Variants in TMCO5A observed in about 807,000 individuals in gnomAD.
TMCO5A encodes transmembrane and coiled-coil domain-containing protein 5A.
A neutral mutation model predicts 42.3 loss-of-function variants in TMCO5A; 34 were observed. That is an observed-to-expected ratio of 0.80 (90% CI 0.61 to 1.07). The LOEUF is 1.07. Ranked by LOEUF, TMCO5A falls within the 50% of genes least tolerant of loss-of-function variation. The pLI is 0.00. For missense variants in TMCO5A, 357 were observed against 327.9 expected (o/e 1.09, Z -0.69); for synonymous variants, 131 against 115.6 (o/e 1.13, Z -0.86).
chr15:37,972,244 T>A (rs2937988), downstream of TMCO5A, among the ~76,000 whole-genome samples: 102,643 of 151,976 alleles, frequency 0.68, 36,648 homozygotes, highest in Middle Eastern at 0.83. Context: ...CCATTTTTAA[T>A]ACCATCTCCT....
chr15:38,036,494 TCTCACACACA>T, the TMCO5A span, among the ~76,000 whole-genome samples: 142 of 135,620 alleles, frequency 1.0e-3, no homozygotes, highest in African/African-American at 3.1e-3. Flanking sequence ...TCTCTCTCTC[TCTCACACACA>T]CACACACACA....
intron 11 of TMCO5A, among the ~76,000 whole-genome samples, chr15:37,957,448 T>C (rs1047276893): frequency 7.4e-5 from 1 of 13,552 alleles, no homozygotes; most frequent in Non-Finnish European, 1.9e-3. Flanking sequence ...ACACCAATAA[T>C]AGACAAAGAG....
At chr15:37,936,605 C>T (rs1380705459) in intron 3 of TMCO5A, 142 bp downstream of exon 3, 2 of 1,161,260 alleles carry the variant, frequency 1.7e-6, no homozygotes, top group African/African-American at 3.1e-5. Context: ...TGACATTTCT[C>T]TTGAACACTG....
chr15:37,991,971 C>T, the TMCO5A span, among the ~76,000 whole-genome samples: 1 of 152,074 alleles, frequency 6.6e-6, no homozygotes, highest in African/African-American at 2.4e-5. Context: ...GATGAAGACT[C>T]CAAAAGCAAT....
chr15:38,005,265 A>G, the TMCO5A span, among the ~76,000 whole-genome samples: 4 of 69,130 alleles, frequency 5.8e-5, no homozygotes, highest in Admixed American at 2.6e-4. Context: ...TACTTGACAG[A>G]AAAAAAAAAA....
chr15:37,937,230 C>T, intron 4 of TMCO5A, 116 bp from the exon 5 acceptor site: 1 of 1,252,470 alleles, frequency 8.0e-7, no homozygotes, highest in Admixed American at 1.8e-5. Flanking sequence ...TGACATTATG[C>T]AAATAAGGTC....
intron 2 of TMCO5A, among the ~76,000 whole-genome samples, chr15:37,935,776 T>A (rs532270298): frequency 1.3e-5 from 2 of 152,138 alleles, no homozygotes; most frequent in East Asian, 3.9e-4. Context: ...ACTCTCATGG[T>A]AAAAATTTCA....
intron 11 of TMCO5A, among the ~76,000 whole-genome samples, chr15:37,960,383 G>A (rs113291064): frequency 0.13 from 20,161 of 152,046 alleles, 1,447 homozygotes; most frequent in Admixed American, 0.15. Flanking sequence ...TTATGGCTGA[G>A]TAGTATTCCA....
downstream of TMCO5A, among the ~76,000 whole-genome samples, chr15:37,954,459 G>A (rs543044847): frequency 5.3e-5 from 8 of 152,208 alleles, no homozygotes; most frequent in South Asian, 1.0e-3. Context: ...TGGTGAAAAT[G>A]TCCTTCAAAC....
At chr15:37,977,880 G>A in the TMCO5A span, among the ~76,000 whole-genome samples, 6 of 152,190 alleles carry the variant, frequency 3.9e-5, no homozygotes, top group East Asian at 3.8e-4. Flanking sequence ...GGCTTAACCT[G>A]GGGGCCCTGT....
chr15:37,943,081 T>C (rs570420325), intron 9 of TMCO5A: 1 of 338,622 alleles, frequency 3.0e-6, no homozygotes, highest in Admixed American at 4.6e-5. Flanking sequence ...GCCAAGATTC[T>C]AGAAAAGGTT....
rs1452619400 is a variant in TMCO5A, at chr15:37,941,143, C to T, written c.388-6C>T. On this transcript the variant is annotated splice_polypyrimidine_tract_variant and splice_region_variant and intron_variant, in intron 6 of 11. Coordinates refer to ENST00000319669, the MANE Select transcript of TMCO5A (RefSeq NM_152453.4). ...CCAAGTTAGCAGTCTCTTTTGCTTTCTTTAGGTTAAGTTACAACAGCTGGA... is the reference window on the plus strand; with the variant it reads ...CCAAGTTAGCAGTCTCTTTTGCTTTTTTTAGGTTAAGTTACAACAGCTGGA... 1 of 1,613,038 alleles carries T rather than the reference C, an allele frequency of 6.2e-7. No individual in the cohort carries two copies. The highest frequency in any genetic ancestry group is 1.7e-5 in the Admixed American group (1 of 59,852).
intron 11 of TMCO5A, among the ~76,000 whole-genome samples, chr15:37,963,732 C>T (rs1054216126): frequency 7.9e-5 from 12 of 152,096 alleles, no homozygotes; most frequent in African/African-American, 2.2e-4. Context: ...TTATGGAGCT[C>T]CAATGTTAGG....
intron 9 of TMCO5A, 119 bp downstream of exon 9, chr15:37,942,374 T>A (rs1889778758): frequency 3.4e-6 from 3 of 892,300 alleles, no homozygotes; most frequent in East Asian, 4.9e-5. Context: ...ACGCCACATA[T>A]CTTTGCCCTC....
intron 10 of TMCO5A, among the ~76,000 whole-genome samples, chr15:37,944,793 T>C (rs1039896673): frequency 3.3e-5 from 5 of 152,046 alleles, no homozygotes; most frequent in African/African-American, 9.7e-5. Context: ...TAAAGGACAA[T>C]GAAATAACTG....
At chr15:37,980,879 A>C in the TMCO5A span, among the ~76,000 whole-genome samples, 14 of 152,320 alleles carry the variant, frequency 9.2e-5, no homozygotes, top group Non-Finnish European at 1.6e-4. Context: ...ATCATAAAAA[A>C]GTGCTTTCAC....
At chr15:37,985,307 G>A in the TMCO5A span, among the ~76,000 whole-genome samples, 135 of 152,266 alleles carry the variant, frequency 8.9e-4, 2 homozygotes, top group Non-Finnish European at 4.0e-4. Flanking sequence ...GGGTAGGTAG[G>A]TGTTAATTTT....
At chr15:37,942,126 T>C (rs1889767822) in intron 8 of TMCO5A, 65 bp from the exon 9 acceptor site, 4 of 1,474,370 alleles carry the variant, frequency 2.7e-6, no homozygotes, top group South Asian at 1.2e-5. Flanking sequence ...CAAGTGCTTA[T>C]TATGCTTAGA....
At chr15:37,977,120 TTATTG>T in the TMCO5A span, among the ~76,000 whole-genome samples, 2 of 152,224 alleles carry the variant, frequency 1.3e-5, no homozygotes, top group Admixed American at 1.3e-4. Context: ...CTCTATCATT[TTATTG>T]TATTCCTTAG....
Sources: gnomAD v4.1 joint callset for allele counts (sites outside exome capture counted in the v4.1 genomes callset) on GRCh38, gnomAD v4.1.1 for gene constraint, MANE v1.5 for transcripts, NCBI Gene and HGNC (gene_info 2026-07-23, HGNC 2026-07-21) for gene names.